ATM: variants seen among roughly 807,000 people sequenced by gnomAD.
The protein encoded by ATM is ATM serine/threonine kinase.
In ATM, 308 loss-of-function variants were observed where a neutral mutation model predicts 387.0. That is an observed-to-expected ratio of 0.80 (90% CI 0.73 to 0.87). The LOEUF is 0.87. Ranked by LOEUF, ATM falls within the 40% of genes least tolerant of loss-of-function variation. The pLI, the probability that ATM is intolerant of heterozygous loss-of-function variation, is 0.00. For missense variants in ATM, 3,312 were observed against 3,560.9 expected (o/e 0.93, Z 1.78); for synonymous variants, 1,156 against 1,187.3 (o/e 0.97, Z 0.54).
In ATM at chr11:108,271,395, T is replaced by A. The variant is rs1364052604; in HGVS notation, c.3066T>A (p.Ile1022=). The A allele has an allele frequency of 6.2e-7, 1 of 1,613,948 alleles. No individual in the cohort carries two copies. Among genetic ancestry groups the A allele is most frequent in the Non-Finnish European group, 8.5e-7 (1 of 1,179,996 alleles). ...CTCAAGGACAGTTTCTTACAGTAAT[T>A]GGAGCATTTTGGTAGGTACAGTCTA... ...RDAQGQFLTV[I]GAFWHLTKER... The change falls in exon 20 of 63, where the codon ATT becomes ATA. Residue 1022 remains isoleucine (I), a synonymous_variant. Coordinates refer to ENST00000675843, the MANE Select transcript of ATM (RefSeq NM_000051.4).
At chr11:108,320,083 G>C (rs761600797) in intron 44 of ATM, 25 bp downstream of exon 44, 1 of 1,500,654 alleles carries the variant, frequency 6.7e-7, no homozygotes, top group Non-Finnish European at 9.3e-7. Flanking sequence ...CAAAGTTACT[G>C]TATTTTAACA....
At chr11:108,321,818 G>A (rs554860787) in intron 45 of ATM, among the ~76,000 whole-genome samples, 120 of 151,794 alleles carry the variant, frequency 7.9e-4, no homozygotes, top group Non-Finnish European at 1.2e-3. Context: ...GAGACCAAAT[G>A]TGTGTGTTTC....
Position 108,292,638 on chromosome 11 carries a change from G to C in ATM, c.4456G>C (p.Val1486Leu), listed in dbSNP as rs786203352. Reference protein sequence around the residue: ...INQRPSCIMDVSLRSFSLCCD... With the variant: ...INQRPSCIMDLSLRSFSLCCD... ...TATTAGGCCTTCTTGTATCATGGAT[G>C]TGTCATTACGTAGCTTCTCCCTTTG... Residue 1486 changes from valine to leucine, a missense_variant, in exon 30 of 63, where the codon GTG (valine) becomes CTG (leucine). Val to Leu is a conservative substitution (Grantham distance 32). Transcript: ENST00000675843. 7.4e-6 allele frequency: 12 copies of C among 1,613,610 alleles called. No individual in the cohort carries two copies. Among genetic ancestry groups the C allele is most frequent in the Admixed American group, 1.7e-5 (1 of 59,976 alleles).
At chr11:108,316,347 G>T (rs1039522472) in intron 42 of ATM, among the ~76,000 whole-genome samples, 1 of 152,160 alleles carries the variant, frequency 6.6e-6, no homozygotes, top group African/African-American at 2.4e-5. Context: ...TGACCTAAAA[G>T]ATAGTGTAGA....
At chr11:108,239,802 C>T (rs1591487204) in intron 5 of ATM, among the ~76,000 whole-genome samples, 1 of 152,342 alleles carries the variant, frequency 6.6e-6, no homozygotes, top group South Asian at 2.1e-4. Flanking sequence ...ACTAGCACAA[C>T]TAATAGAAAA....
intron 4 of ATM, 54 bp downstream of exon 4, chr11:108,229,377 A>AT (rs765562938): frequency 5.8e-5 from 63 of 1,092,146 alleles, no homozygotes; most frequent in Non-Finnish European, 6.7e-5. Flanking sequence ...CTGTCGCGTG[A>AT]GTTTTTTTTT....
chr11:108,279,715 CAG>C (rs1565439802), intron 23 of ATM, 107 bp downstream of exon 23: 1 of 875,902 alleles, frequency 1.1e-6, no homozygotes, highest in Non-Finnish European at 1.9e-6. Flanking sequence ...CAGTAGTTTA[CAG>C]TATAAAGCTG....
chr11:108,276,383 C>T (rs758819320), intron 22 of ATM, among the ~76,000 whole-genome samples: 6 of 152,156 alleles, frequency 3.9e-5, no homozygotes, highest in Admixed American at 2.6e-4. Context: ...ACTCATTCTC[C>T]GTCCAGTTTT....
At chr11:108,233,601 G>T (rs552941202) in intron 4 of ATM, among the ~76,000 whole-genome samples, 23 of 149,984 alleles carry the variant, frequency 1.5e-4, no homozygotes, top group Non-Finnish European at 2.7e-4. Flanking sequence ...GTCTCTGCAG[G>T]CAACTTAGTT....
intron 17 of ATM, among the ~76,000 whole-genome samples, chr11:108,268,150 C>T (rs1411460507): frequency 6.6e-6 from 1 of 151,802 alleles, no homozygotes; most frequent in Non-Finnish European, 1.5e-5. Context: ...AGATTCTTTT[C>T]TATTTTCCTA....
At chr11:108,269,940 A>G (rs1204967197) in intron 18 of ATM, among the ~76,000 whole-genome samples, 1 of 152,228 alleles carries the variant, frequency 6.6e-6, no homozygotes, top group Admixed American at 6.5e-5. Context: ...TTCTTGAAGT[A>G]TTGATGTTTC....
chr11:108,286,157 C>A (rs1021877954), intron 26 of ATM, among the ~76,000 whole-genome samples: 2 of 151,490 alleles, frequency 1.3e-5, no homozygotes, highest in Non-Finnish European at 2.9e-5. Flanking sequence ...CATGGTGAAA[C>A]CCCATCTCTA....
intron 61 of ATM, among the ~76,000 whole-genome samples, chr11:108,362,246 G>C (rs1189926517): frequency 6.7e-6 from 1 of 149,054 alleles, no homozygotes; most frequent in Non-Finnish European, 1.5e-5. Flanking sequence ...AAACCACAAT[G>C]AGATACCATC....
Position 108,368,921 on chromosome 11 carries a change from T to C in ATM, c.*3413T>C, listed in dbSNP as rs4987114. 3.2e-3 allele frequency: 622 copies of C among 194,454 alleles called. 16 individuals are homozygous for C. In the East Asian group the frequency reaches 0.048, roughly 15 times the overall value. 12.0% of individuals were successfully genotyped at this position (194,454 alleles called of 1,614,324 possible). ...GGACAGCGTAAAGACTAGAATAGTC[T>C]TTTAAAAAGAAAGCCAGTATATTGG... On this transcript the variant is annotated 3_prime_UTR_variant, in exon 63 of 63. Transcript: ENST00000675843.
At position 108,316,916 on chromosome 11, in the gene ATM, A is replaced by T. The variant is rs140015397; in HGVS notation, c.6199-457A>T. ...ACTCCAGCCTGGGCAATAGAGCGAG[A>T]CTCCATCTCAAAAATAAATAAATAA... On this transcript the variant is annotated intron_variant, in intron 42 of 62. Coordinates refer to ENST00000675843, the MANE Select transcript of ATM (RefSeq NM_000051.4). Among the ~76,000 whole-genome samples the T allele has an allele frequency of 6.0e-3, 917 of 151,852 alleles. 6 individuals are homozygous for T. Among genetic ancestry groups the T allele is most frequent in the East Asian group, 0.011 (54 of 5,138 alleles).
chr11:108,357,480 C>T (rs1011268941), intron 61 of ATM, among the ~76,000 whole-genome samples: 1 of 152,254 alleles, frequency 6.6e-6, no homozygotes, highest in African/African-American at 2.4e-5. Flanking sequence ...GTAGGCTCCA[C>T]CTCTGGGGGC....
intron 18 of ATM, 82 bp from the exon 19 acceptor site, chr11:108,270,982 C>CT (rs1420469467): frequency 3.3e-6 from 4 of 1,204,980 alleles, no homozygotes; most frequent in Non-Finnish European, 4.8e-6. Flanking sequence ...GTGTGAGCCA[C>CT]TGCACCCGGC....
chr11:108,315,314 T>C (rs938100806), intron 40 of ATM, among the ~76,000 whole-genome samples: 5 of 152,248 alleles, frequency 3.3e-5, no homozygotes, highest in Non-Finnish European at 7.3e-5. Flanking sequence ...ACTGCATCTT[T>C]ACATTTGTTT....
chr11:108,361,904 C>T (rs75792302), intron 61 of ATM, among the ~76,000 whole-genome samples: 2 of 147,884 alleles, frequency 1.4e-5, no homozygotes, highest in Non-Finnish European at 3.0e-5. Flanking sequence ...ACTTCATGTC[C>T]AAAACACCAA....
Sources: allele counts gnomAD v4.1 joint callset (sites outside exome capture counted in the v4.1 genomes callset), GRCh38; gene constraint gnomAD v4.1.1; transcripts MANE v1.5; gene names NCBI Gene and HGNC (gene_info 2026-07-23, HGNC 2026-07-21).